ZZEF1: variants seen among roughly 807,000 people sequenced by gnomAD.
ZZEF1 encodes zinc finger ZZ-type and EF-hand domain-containing protein 1.
A neutral mutation model predicts 342.8 loss-of-function variants in ZZEF1; 157 were observed. The observed-to-expected ratio is 0.46, with a 90% CI of 0.40 to 0.52. ZZEF1 has a LOEUF of 0.52. Ranked by LOEUF, ZZEF1 falls within the 20% of genes least tolerant of loss-of-function variation. ZZEF1 has a pLI of 0.00. For missense variants in ZZEF1, 3,480 were observed against 3,725.6 expected, an observed-to-expected ratio of 0.93 and a Z score of 1.72; for synonymous variants, 1,505 against 1,429.1, an observed-to-expected ratio of 1.05 and a Z score of -1.20.
intron 1 of ZZEF1, among the ~76,000 whole-genome samples, chr17:4,131,079 T>C (rs2058655719): frequency 6.6e-6 from 1 of 152,116 alleles, no homozygotes; most frequent in African/African-American, 2.4e-5. Context: ...TTCTTACACA[T>C]GCAAGGTTCT....
chr17:4,137,427 G>T (rs371868490), intron 1 of ZZEF1, among the ~76,000 whole-genome samples: 2 of 152,064 alleles, frequency 1.3e-5, no homozygotes, highest in East Asian at 3.9e-4. Context: ...TGGCTAACAC[G>T]GTGAAACCCC....
intron 3 of ZZEF1, among the ~76,000 whole-genome samples, chr17:4,115,350 T>C (rs1164006625): frequency 1.3e-5 from 2 of 152,146 alleles, no homozygotes; most frequent in Admixed American, 6.6e-5. Context: ...ACTTTCCTTA[T>C]GTATTAATTC....
rs72827323 is a variant in ZZEF1, at chr17:4,022,787, G to A, written c.7134C>T (p.Thr2378=). ...TTTTCACCAGCAACTTCAGCAAATC[G>A]GTCTGAAGGAAAGTAGCACGGATCT... is the stretch of plus-strand genomic sequence containing the variant. ...FEEIRATFLQ[T]DLLKLLVKKC... The change falls in exon 44 of 55, where the codon ACC becomes ACT. Residue 2378 remains threonine, a synonymous_variant. Transcript: ENST00000381638. 67 of 1,613,628 alleles carry A rather than the reference G, an allele frequency of 4.2e-5. No homozygotes were observed. The highest frequency in any genetic ancestry group is 5.0e-5 in the Admixed American group (3 of 59,946).
chr17:4,030,944 T>C (rs2168018), intron 42 of ZZEF1, among the ~76,000 whole-genome samples: 77,320 of 151,910 alleles, frequency 0.51, 21,918 homozygotes, highest in African/African-American at 0.78. Flanking sequence ...TTTGGGAGGC[T>C]GAGACAGGTG....
intron 53 of ZZEF1, chr17:4,009,386 T>C (rs988304082): frequency 2.6e-5 from 17 of 642,882 alleles, no homozygotes; most frequent in Non-Finnish European, 4.0e-5. Context: ...CCCCATTGGC[T>C]CTAGGCCTGA....
At chr17:4,092,299 CTT>C (rs367934690) in intron 11 of ZZEF1, among the ~76,000 whole-genome samples, 1 of 118,394 alleles carries the variant, frequency 8.4e-6, no homozygotes. Context: ...AAACATGTCC[CTT>C]TTTTTTTTTT....
At chr17:4,138,147 C>G (rs911441281) in intron 1 of ZZEF1, among the ~76,000 whole-genome samples, 2 of 152,160 alleles carry the variant, frequency 1.3e-5, no homozygotes, top group African/African-American at 4.8e-5. Context: ...TATTTGGTCC[C>G]TTGGGTAGTG....
rs183940368 is a variant in ZZEF1, at chr17:4,084,112, A to T, written c.2646+1558T>A. Among the ~76,000 whole-genome samples the T allele has an allele frequency of 1.3e-3, 193 of 152,314 alleles. 1 individual carries two copies. The highest frequency in any genetic ancestry group is 2.5e-3 in the Non-Finnish European group (170 of 68,016). Reference sequence around the variant, plus strand: ...CAACGACAGTAAGCATCCTTGTCTTATTCCGCATTTTGAGAGGAATGCTTC... The same window carrying T: ...CAACGACAGTAAGCATCCTTGTCTTTTTCCGCATTTTGAGAGGAATGCTTC... On this transcript the variant is annotated intron_variant, in intron 16 of 54. Coordinates refer to ENST00000381638, the MANE Select transcript of ZZEF1 (RefSeq NM_015113.4).
At chr17:4,067,710 C>A (rs535378109) in intron 26 of ZZEF1, among the ~76,000 whole-genome samples, 286 of 152,234 alleles carry the variant, frequency 1.9e-3, no homozygotes, top group Non-Finnish European at 3.4e-3. Flanking sequence ...ATAATCCCAG[C>A]ACTTTTTATT....
Position 4,085,803 on chromosome 17 carries a change from A to G in ZZEF1, c.2513T>C (p.Val838Ala). The G allele has an allele frequency of 6.2e-7, 1 of 1,613,938 alleles. No homozygotes were observed. The highest frequency in any genetic ancestry group is 8.5e-7 in the Non-Finnish European group (1 of 1,179,948). Residue 838 changes from valine to alanine, a missense_variant and splice_region_variant, in exon 16 of 55, where the codon GTG (valine) becomes GCG (alanine). By Grantham distance (64) the Val-to-Ala change is moderately conservative (BLOSUM62 0). Coordinates refer to ENST00000381638, the MANE Select transcript of ZZEF1 (RefSeq NM_015113.4). ...AGAGTCTCCATCCACCTTGTCCACCACTGATAAAATGAACAATGGCATCAG... is the reference window on the plus strand; with the variant it reads ...AGAGTCTCCATCCACCTTGTCCACCGCTGATAAAATGAACAATGGCATCAG... ...AKELYTHLCD[V>A]VDKVDGDSVP...
chr17:4,037,833 T>TG (rs2145088651), intron 39 of ZZEF1, among the ~76,000 whole-genome samples: 1 of 152,312 alleles, frequency 6.6e-6, no homozygotes, highest in East Asian at 1.9e-4. Flanking sequence ...CCCTCCTACT[T>TG]GGTCTCCCAA....
rs34719232 is a variant in ZZEF1, at chr17:4,049,774, G to A, written c.5949C>T (p.Thr1983=). 5,039 of 1,614,132 alleles carry A rather than the reference G, an allele frequency of 3.1e-3. 10 individuals are homozygous for A. Among genetic ancestry groups the A allele is most frequent in the Middle Eastern group, 5.4e-3 (33 of 6,062 alleles). Residue 1983 remains threonine, a synonymous_variant, in exon 37 of 55, where the codon ACC becomes ACT. Transcript: ENST00000381638. ...TCTCTAGCTGCTCCTCTGACGCTCC[G>A]GTGGGCACAGTGACTGGTAGGGCCT... ...EDQALPVTVP[T]GASEEQLEKK...
chr17:4,102,715 C>A (rs977447809), intron 8 of ZZEF1, among the ~76,000 whole-genome samples: 2 of 152,090 alleles, frequency 1.3e-5, no homozygotes, highest in African/African-American at 4.8e-5. Context: ...AGATTGAACA[C>A]ATTTGGGGGG....
At chr17:4,088,966 C>T in intron 12 of ZZEF1, 73 bp from the exon 13 acceptor site, 2 of 1,458,394 alleles carry the variant, frequency 1.4e-6, no homozygotes, top group Non-Finnish European at 1.9e-6. Context: ...GGAAAAAGGC[C>T]TTTCCGGGAA....
At chr17:4,022,661 G>A (rs767393176) in intron 44 of ZZEF1, 48 bp downstream of exon 44, 15 of 1,611,466 alleles carry the variant, frequency 9.3e-6, no homozygotes, top group Non-Finnish European at 1.2e-5. Flanking sequence ...TCCTAGGCCA[G>A]CACATCTGCA....
At chr17:4,100,671 T>A (rs781549594) in intron 9 of ZZEF1, among the ~76,000 whole-genome samples, 1 of 152,064 alleles carries the variant, frequency 6.6e-6, no homozygotes, top group South Asian at 2.1e-4. Flanking sequence ...CCGTCTCTAC[T>A]AAAAATACAA....
At chr17:4,065,106 T>A (rs1205713414) in intron 28 of ZZEF1, among the ~76,000 whole-genome samples, 4 of 152,132 alleles carry the variant, frequency 2.6e-5, no homozygotes, top group Non-Finnish European at 5.9e-5. Flanking sequence ...GACAGCTTCA[T>A]GAATAAAGTG....
chr17:4,088,741 A>G lies in ZZEF1; in HGVS notation c.2178T>C (p.Ser726=), dbSNP rs763411762. The G allele has an allele frequency of 7.4e-6, 12 of 1,613,560 alleles. No homozygotes were observed. The Admixed American group carries it at 1.2e-4, about 16-fold the overall frequency. Residue 726 remains serine, a synonymous_variant, in exon 13 of 55, where the codon AGT becomes AGC. Coordinates refer to ENST00000381638, the MANE Select transcript of ZZEF1 (RefSeq NM_015113.4). ...TGAGGAGCAACGTGGCCCCACAGAC[A>G]CTCTCCTCTGTGTCCTTTCTGCAGT... ...CAHCRKDTEE[S]VCGATLLLRT... is the part of the protein sequence containing the mutation.
intron 17 of ZZEF1, 80 bp from the exon 18 acceptor site, chr17:4,081,570 G>T: frequency 8.2e-7 from 1 of 1,217,484 alleles, no homozygotes; most frequent in Non-Finnish European, 1.2e-6. Context: ...CCAAAACAGA[G>T]CGCAGAAAGG....
Sources: allele counts gnomAD v4.1 joint callset (sites outside exome capture counted in the v4.1 genomes callset), GRCh38; gene constraint gnomAD v4.1.1; transcripts MANE v1.5; gene names NCBI Gene and HGNC (gene_info 2026-07-23, HGNC 2026-07-21).